FLI1: variants seen among roughly 807,000 people sequenced by gnomAD.
FLI1 encodes Friend leukemia integration 1 transcription factor.
A neutral mutation model predicts 53.1 loss-of-function variants in FLI1; 13 were observed. The observed-to-expected ratio is 0.24, with a 90% CI of 0.16 to 0.39. The LOEUF is 0.39. Ranked by LOEUF, FLI1 falls within the 10% of genes least tolerant of loss-of-function variation. The pLI is 1.00. For synonymous variants in FLI1, 244 were observed against 236.7 expected (o/e 1.03, Z -0.28); for missense variants, 424 against 600.5 (o/e 0.71, Z 3.07).
intron 5 of FLI1, among the ~76,000 whole-genome samples, chr11:128,786,236 C>T (rs1942076508): frequency 6.6e-6 from 1 of 152,156 alleles, no homozygotes; most frequent in Non-Finnish European, 1.5e-5. Flanking sequence ...AGAGCTACTC[C>T]AGATTTTCTT....
At chr11:128,745,157 C>G (rs1333419525) in intron 1 of FLI1, among the ~76,000 whole-genome samples, 3 of 151,970 alleles carry the variant, frequency 2.0e-5, no homozygotes, top group African/African-American at 7.3e-5. Flanking sequence ...TCTTACATAA[C>G]AAGAAGAAAA....
At chr11:128,751,683 C>T (rs1434585079) in intron 1 of FLI1, among the ~76,000 whole-genome samples, 6 of 151,928 alleles carry the variant, frequency 3.9e-5, no homozygotes, top group South Asian at 2.1e-4. Flanking sequence ...CCCGCCACCA[C>T]GCCTGGTTAA....
At chr11:128,802,527 A>G (rs1565508670) in intron 5 of FLI1, among the ~76,000 whole-genome samples, 1 of 152,212 alleles carries the variant, frequency 6.6e-6, no homozygotes, top group Non-Finnish European at 1.5e-5. Flanking sequence ...TTATGACTCT[A>G]TTACTTCACA....
chr11:128,720,691 G>A (rs900888318), intron 1 of FLI1, among the ~76,000 whole-genome samples: 2 of 152,208 alleles, frequency 1.3e-5, no homozygotes, highest in Admixed American at 6.5e-5. Context: ...TTACACATAC[G>A]TGGAAAGCAG....
chr11:128,749,973 T>C (rs533578696), intron 1 of FLI1, among the ~76,000 whole-genome samples: 2 of 152,372 alleles, frequency 1.3e-5, no homozygotes, highest in Admixed American at 1.3e-4. Flanking sequence ...CTGCAGAGCC[T>C]GCTGGTTTCC....
At chr11:128,794,738 G>A (rs541656600) in intron 5 of FLI1, among the ~76,000 whole-genome samples, 1 of 152,334 alleles carries the variant, frequency 6.6e-6, no homozygotes, top group South Asian at 2.1e-4. Context: ...CCCAGGTTGT[G>A]AGTGGGCTTT....
At chr11:128,796,265 C>T (rs1942442045) in intron 5 of FLI1, among the ~76,000 whole-genome samples, 1 of 152,196 alleles carries the variant, frequency 6.6e-6, no homozygotes, top group Non-Finnish European at 1.5e-5. Flanking sequence ...AGATGAAAAT[C>T]ATTCTTGGTA....
intron 3 of FLI1, chr11:128,768,516 T>TAA: frequency 1.3e-4 from 43 of 331,336 alleles, no homozygotes; most frequent in South Asian, 7.7e-4. Context: ...TCATCTCTAC[T>TAA]AAAAAAAAAA....
chr11:128,746,587 G>A (rs1277998238), intron 1 of FLI1, among the ~76,000 whole-genome samples: 3 of 152,282 alleles, frequency 2.0e-5, no homozygotes, highest in Admixed American at 6.5e-5. Flanking sequence ...TAAAGACCAG[G>A]CCTCAAGGGA....
intron 5 of FLI1, chr11:128,803,850 A>G (rs1002662671): frequency 6.6e-6 from 1 of 152,230 alleles, no homozygotes; most frequent in Non-Finnish European, 1.5e-5. Context: ...CAAGCTTGCA[A>G]GCAAGCTGGT....
intron 1 of FLI1, among the ~76,000 whole-genome samples, chr11:128,713,902 C>T (rs1019569702): frequency 3.9e-5 from 6 of 152,168 alleles, no homozygotes; most frequent in African/African-American, 1.4e-4. Flanking sequence ...GTCATCCTAA[C>T]CATAGTCCCC....
At chr11:128,732,349 T>C (rs1939736322) in intron 1 of FLI1, among the ~76,000 whole-genome samples, 1 of 152,230 alleles carries the variant, frequency 6.6e-6, no homozygotes, top group East Asian at 1.9e-4. Context: ...TGAGTCTATG[T>C]CATTTTGACT....
chr11:128,751,263 G>C (rs1014599806), intron 1 of FLI1, among the ~76,000 whole-genome samples: 1 of 152,228 alleles, frequency 6.6e-6, no homozygotes, highest in African/African-American at 2.4e-5. Context: ...AGTAGGTATC[G>C]CTCTGGCTTT....
rs34925375 is a variant in FLI1, at chr11:128,756,896, C to CGTT, written c.19-1206_19-1204dup. Among the ~76,000 whole-genome samples the CGTT allele has an allele frequency of 1.8e-3, 269 of 152,070 alleles. 4 individuals are homozygous for CGTT. In the East Asian group the frequency reaches 0.043, roughly 24 times the overall value. ...GGAATGTGCAAAGTTTTTTAGTTGT[C>CGTT]GTTGTTGTTGTTGTTTCGAGACTGT... On this transcript the variant is annotated intron_variant, in intron 1 of 8. Coordinates refer to ENST00000527786, the MANE Select transcript of FLI1 (RefSeq NM_002017.5).
chr11:128,691,402 C>T (rs906962555), upstream of FLI1, among the ~76,000 whole-genome samples: 2 of 152,136 alleles, frequency 1.3e-5, no homozygotes, highest in East Asian at 1.9e-4. Context: ...GGAGGAAATC[C>T]GAGATTCCCG....
chr11:128,752,869 C>A (rs778241449), intron 1 of FLI1, among the ~76,000 whole-genome samples: 24 of 152,150 alleles, frequency 1.6e-4, no homozygotes, highest in Middle Eastern at 3.2e-3. Flanking sequence ...GCACCTTGCC[C>A]AAACTGGAGG....
chr11:128,799,902 A>T (rs1207905596), intron 5 of FLI1, among the ~76,000 whole-genome samples: 2 of 152,186 alleles, frequency 1.3e-5, no homozygotes, highest in African/African-American at 4.8e-5. Context: ...AGGACCTCTG[A>T]TGGAGATGGG....
At chr11:128,742,969 G>T (rs1940202536) in intron 1 of FLI1, among the ~76,000 whole-genome samples, 1 of 152,182 alleles carries the variant, frequency 6.6e-6, no homozygotes, top group African/African-American at 2.4e-5. Context: ...TCCCAAGAGA[G>T]AAAGGTTTGA....
At chr11:128,772,200 G>T (rs181651974) in intron 3 of FLI1, among the ~76,000 whole-genome samples, 43 of 152,172 alleles carry the variant, frequency 2.8e-4, no homozygotes, top group African/African-American at 1.0e-3. Context: ...TCTCATCTTT[G>T]GGTATTTAAA....
Sources: gnomAD v4.1 joint callset for allele counts (sites outside exome capture counted in the v4.1 genomes callset) on GRCh38, gnomAD v4.1.1 for gene constraint, MANE v1.5 for transcripts, NCBI Gene and HGNC (gene_info 2026-07-23, HGNC 2026-07-21) for gene names.